The following CHM variants were observed in gnomAD, a reference collection of about 807,000 sequenced individuals.
CHM encodes the protein rab proteins geranylgeranyltransferase component A 1.
CHM carries 10 observed loss-of-function variants against 49.0 expected under a neutral mutation model. That is an observed-to-expected ratio of 0.20 (90% CI 0.13 to 0.35). The LOEUF (loss-of-function observed/expected upper bound fraction) is 0.35, where lower values mean the gene tolerates loss of function less well. CHM is among the 10% of genes least tolerant of loss of function. The probability of loss-of-function intolerance (pLI) is 1.00; values close to 1 mark genes in which losing one functional copy is unlikely to be tolerated. For synonymous variants in CHM, 184 were observed against 167.5 expected, an observed-to-expected ratio of 1.10 and a Z score of -0.76; for missense variants, 455 against 478.4, an observed-to-expected ratio of 0.95 and a Z score of 0.46.
chrX:85,870,908 T>C (rs1924010278), intron 14 of CHM, among the ~76,000 whole-genome samples: 1 of 111,042 alleles, frequency 9.0e-6, no homozygotes, highest in Non-Finnish European at 1.9e-5. Context: ...TGGTTCCCTA[T>C]GAAAACAAGA....
intron 2 of CHM, among the ~76,000 whole-genome samples, chrX:86,000,667 G>A (rs1932673041): frequency 9.0e-6 from 1 of 111,493 alleles, no homozygotes; most frequent in African/African-American, 3.3e-5. Flanking sequence ...TATTCAGCCT[G>A]AAAAAGAATT....
intron 4 of CHM, among the ~76,000 whole-genome samples, chrX:85,976,220 C>A (rs1346387534): frequency 9.0e-6 from 1 of 111,718 alleles, no homozygotes; most frequent in East Asian, 2.8e-4. Flanking sequence ...CTTGAGGGAT[C>A]TTCTGATATG....
chrX:86,022,617 G>C (rs775106807), intron 2 of CHM, among the ~76,000 whole-genome samples: 2 of 111,080 alleles, frequency 1.8e-5, no homozygotes, highest in Admixed American at 1.9e-4. Flanking sequence ...TTCACTATAT[G>C]CATTTTCAGG....
intron 8 of CHM, among the ~76,000 whole-genome samples, chrX:85,917,271 C>G (rs187784369): frequency 3.6e-5 from 4 of 110,374 alleles, no homozygotes; most frequent in African/African-American, 1.3e-4. Context: ...TAGAGGGGAA[C>G]AACATACACT....
chrX:85,934,553 C>T (rs1292630041), intron 8 of CHM, among the ~76,000 whole-genome samples: 4 of 106,518 alleles, frequency 3.8e-5, no homozygotes, highest in African/African-American at 6.9e-5. Flanking sequence ...TCTGTCCTTG[C>T]GATAGTTTGC....
chrX:85,912,665 C>A (rs1006098041), intron 8 of CHM, among the ~76,000 whole-genome samples: 1 of 111,280 alleles, frequency 9.0e-6, no homozygotes, highest in Admixed American at 9.5e-5. Flanking sequence ...ATGCACTGAT[C>A]TTGAGACTGG....
chrX:85,999,836 T>C (rs1932617883), intron 2 of CHM, among the ~76,000 whole-genome samples: 2 of 112,016 alleles, frequency 1.8e-5, no homozygotes, highest in South Asian at 7.3e-4. Context: ...GTTTAAAATA[T>C]GTCTGCAGAA....
chrX:85,990,174 T>C (rs113449045), intron 2 of CHM, among the ~76,000 whole-genome samples: 4,534 of 111,974 alleles, frequency 0.04, 234 homozygotes, highest in African/African-American at 0.14. Context: ...AAGAACAAGA[T>C]TGTGTCTTTT....
chrX:86,025,021 G>A (rs1603282555), intron 2 of CHM, among the ~76,000 whole-genome samples: 1 of 111,155 alleles, frequency 9.0e-6, no homozygotes, highest in East Asian at 2.9e-4. Flanking sequence ...GCTCAGAACA[G>A]ATTCAGATCA....
At chrX:85,874,639 T>C (rs1388465290) in intron 13 of CHM, among the ~76,000 whole-genome samples, 1 of 111,401 alleles carries the variant, frequency 9.0e-6, no homozygotes, top group Non-Finnish European at 1.9e-5. Flanking sequence ...CCATAATTAT[T>C]AGTGGAATAG....
chrX:86,044,559 C>G lies in CHM; in HGVS notation c.49+2925G>C, dbSNP rs765968595. 2.2e-4 allele frequency among the ~76,000 whole-genome samples: 25 copies of G among 112,102 alleles called. No individual in the cohort carries two copies. The South Asian group carries it at 3.7e-3, about 17-fold the overall frequency. On this transcript the variant is annotated intron_variant, in intron 1 of 14. Coordinates refer to ENST00000357749, the MANE Select transcript of CHM (RefSeq NM_000390.4). ...CTGCTCTTCTGTTGAGTTCTTGGCT[C>G]TGCTGTGCTGCAGATTACACAGGCT...
rs750931691 is a variant in CHM, at chrX:86,040,388, G to A, written c.49+7096C>T. Among the ~76,000 whole-genome samples the A allele has an allele frequency of 8.0e-5, 9 of 112,130 alleles. No homozygotes were observed. The South Asian group carries it at 1.9e-3, about 23-fold the overall frequency. On this transcript the variant is annotated intron_variant, in intron 1 of 14. Transcript: ENST00000357749. ...AGTTCATTCCTCCTGGCACAAGAGC[G>A]GCAGGCTGACTCCAGCACTCATGTA...
intron 14 of CHM, among the ~76,000 whole-genome samples, chrX:85,867,452 C>T (rs1923771217): frequency 8.9e-6 from 1 of 112,080 alleles, no homozygotes; most frequent in Admixed American, 9.5e-5. Flanking sequence ...TGAGGACAGA[C>T]TAATACAAGC....
intron 12 of CHM, 87 bp from the exon 13 acceptor site, chrX:85,879,150 A>G: frequency 1.5e-6 from 1 of 653,051 alleles, no homozygotes; most frequent in Non-Finnish European, 2.4e-6. Context: ...TATGGATAAT[A>G]GAGAGCTGAG....
At chrX:85,971,386 G>A (rs992506511) in intron 4 of CHM, 1 of 183,836 alleles carries the variant, frequency 5.4e-6, no homozygotes, top group Non-Finnish European at 8.8e-6. Flanking sequence ...AGATGTGTTC[G>A]GAGTTTCTTC....
At chrX:86,041,052 G>A (rs1234157440) in intron 1 of CHM, among the ~76,000 whole-genome samples, 1 of 112,143 alleles carries the variant, frequency 8.9e-6, no homozygotes, top group Non-Finnish European at 1.9e-5. Flanking sequence ...AATTGTTTCT[G>A]TGCATTGGGA....
chrX:85,985,008 A>G (rs1286403487), intron 2 of CHM, among the ~76,000 whole-genome samples: 1 of 111,655 alleles, frequency 9.0e-6, no homozygotes, highest in Non-Finnish European at 1.9e-5. Flanking sequence ...AGACCCCCAT[A>G]CATACCCCTA....
intron 8 of CHM, among the ~76,000 whole-genome samples, chrX:85,918,639 T>C (rs757766844): frequency 8.9e-6 from 1 of 111,925 alleles, no homozygotes; most frequent in South Asian, 3.7e-4. Flanking sequence ...CCCAACAGTA[T>C]GCTGTCTTCA....
intron 4 of CHM, among the ~76,000 whole-genome samples, chrX:85,964,809 T>C (rs1281367529): frequency 9.0e-6 from 1 of 111,522 alleles, no homozygotes; most frequent in Non-Finnish European, 1.9e-5. Context: ...TCCACCATTG[T>C]CTTGATTTAT....
Sources: gnomAD v4.1 joint callset for allele counts (sites outside exome capture counted in the v4.1 genomes callset) on GRCh38, gnomAD v4.1.1 for gene constraint, MANE v1.5 for transcripts, NCBI Gene and HGNC (gene_info 2026-07-23, HGNC 2026-07-21) for gene names.